KLHL13: variants seen among roughly 807,000 people sequenced by gnomAD.
KLHL13 encodes the protein kelch-like protein 13.
In KLHL13, 10 loss-of-function variants were observed where a neutral mutation model predicts 37.1. The observed-to-expected ratio is 0.27, with a 90% CI of 0.17 to 0.46. The LOEUF (loss-of-function observed/expected upper bound fraction) is 0.46, where lower values mean the gene tolerates loss of function less well. Among genes scored for constraint, KLHL13 ranks in the 20% least tolerant of loss-of-function variants. The pLI is 1.00. For synonymous variants in KLHL13, 163 were observed against 181.2 expected (o/e 0.90, Z 0.81); for missense variants, 360 against 509.3 (o/e 0.71, Z 2.82).
At chrX:117,903,172 A>AC (rs1569409164) in intron 5 of KLHL13, among the ~76,000 whole-genome samples, 198 of 95,671 alleles carry the variant, frequency 2.1e-3, no homozygotes, top group Non-Finnish European at 3.0e-3. Flanking sequence ...AGAGAGAGAG[A>AC]GGAGAGCGAG....
At chrX:117,991,867 C>A (rs1415459835) in intron 1 of KLHL13, among the ~76,000 whole-genome samples, 2 of 106,345 alleles carry the variant, frequency 1.9e-5, no homozygotes, top group African/African-American at 6.9e-5. Context: ...CTCTCTCTCT[C>A]TCTCTCTCTC....
At chrX:118,028,705 AAT>A (rs1489673910) in intron 1 of KLHL13, among the ~76,000 whole-genome samples, 1 of 112,458 alleles carries the variant, frequency 8.9e-6, no homozygotes, top group Non-Finnish European at 1.9e-5. Flanking sequence ...TATGAAATTT[AAT>A]AGTGAATCAC....
chrX:118,023,219 AT>A (rs1465926232), intron 1 of KLHL13, among the ~76,000 whole-genome samples: 1 of 111,472 alleles, frequency 9.0e-6, no homozygotes, highest in Non-Finnish European at 1.9e-5. Flanking sequence ...TATATTCAAT[AT>A]TATGTTGATT....
At chrX:118,038,271 T>C (rs1232399524) in intron 1 of KLHL13, among the ~76,000 whole-genome samples, 1 of 112,089 alleles carries the variant, frequency 8.9e-6, no homozygotes, top group Non-Finnish European at 1.9e-5. Flanking sequence ...CCTCAAGTGA[T>C]CATCTCTCCT....
intron 1 of KLHL13, among the ~76,000 whole-genome samples, chrX:118,027,297 C>T (rs2054284748): frequency 1.8e-5 from 2 of 111,135 alleles, no homozygotes; most frequent in South Asian, 7.6e-4. Flanking sequence ...ATTAAGCACC[C>T]ATCTTACAGT....
chrX:117,989,382 T>G (rs2053762429), intron 1 of KLHL13, among the ~76,000 whole-genome samples: 1 of 109,712 alleles, frequency 9.1e-6, no homozygotes, highest in Non-Finnish European at 1.9e-5. Context: ...ATACCTAATT[T>G]GGTGTTTATT....
intron 1 of KLHL13, among the ~76,000 whole-genome samples, chrX:118,088,990 C>T (rs1200512811): frequency 2.7e-5 from 3 of 110,928 alleles, no homozygotes; most frequent in Non-Finnish European, 5.7e-5. Flanking sequence ...GAGCACAAAC[C>T]AAAAACACAG....
At position 118,004,582 on chromosome X, in the gene KLHL13, T is replaced by C. The variant is rs1013675161; in HGVS notation, c.-55-59007A>G. Among the ~76,000 whole-genome samples, 3 of 111,987 alleles carry C rather than the reference T, an allele frequency of 2.7e-5. No individual in the cohort carries two copies. The Admixed American group carries it at 2.8e-4, about 11-fold the overall frequency. On this transcript the variant is annotated intron_variant, in intron 1 of 6. Coordinates refer to the KLHL13 transcript ENST00000371882. ...CATACAAATATGAGACCATTTGGCA[T>C]CAAAATAAATCAAGGATTATAACAA...
intron 1 of KLHL13, among the ~76,000 whole-genome samples, chrX:118,032,821 G>A (rs1285040677): frequency 9.0e-6 from 1 of 111,511 alleles, no homozygotes; most frequent in Non-Finnish European, 1.9e-5. Flanking sequence ...CAAACCAAAG[G>A]CAAGGAAGTT....
chrX:117,975,167 G>C (rs998865419), upstream of KLHL13, among the ~76,000 whole-genome samples: 1 of 102,623 alleles, frequency 9.7e-6, no homozygotes, highest in Non-Finnish European at 1.9e-5. Context: ...TCCAAAGAAG[G>C]AGAAATACAT....
At chrX:118,002,724 C>G (rs1383462734) in intron 1 of KLHL13, among the ~76,000 whole-genome samples, 1 of 111,077 alleles carries the variant, frequency 9.0e-6, no homozygotes, top group Middle Eastern at 4.2e-3. Context: ...AGCAAAGGCA[C>G]AGAGAAGGGC....
intron 1 of KLHL13, among the ~76,000 whole-genome samples, chrX:118,084,074 C>A (rs1055682522): frequency 7.2e-5 from 8 of 110,843 alleles, no homozygotes; most frequent in South Asian, 3.8e-4. Flanking sequence ...AATCCCAACA[C>A]TTTGGGAGGC....
In KLHL13 at chrX:118,023,484, C is replaced by T. The variant is rs776116266; in HGVS notation, c.-55-77909G>A. Among the ~76,000 whole-genome samples, 4 of 111,967 alleles carry T rather than the reference C, an allele frequency of 3.6e-5. No individual in the cohort carries two copies. The East Asian group carries it at 1.1e-3, about 31-fold the overall frequency. ...ACTTTTGGTTCTCATTACATCTATG[C>T]ATTCTATGAATAACTTTCACGATCT... On this transcript the variant is annotated intron_variant, in intron 1 of 6. Coordinates refer to the KLHL13 transcript ENST00000371882.
At chrX:117,952,415 A>G (rs1933663197) in intron 1 of KLHL13, among the ~76,000 whole-genome samples, 2 of 109,383 alleles carry the variant, frequency 1.8e-5, no homozygotes, top group African/African-American at 3.3e-5. Flanking sequence ...AAGATGGATT[A>G]AAGACTTAAA....
intron 1 of KLHL13, among the ~76,000 whole-genome samples, chrX:118,016,332 C>T (rs1340108156): frequency 9.0e-6 from 1 of 111,274 alleles, no homozygotes; most frequent in Non-Finnish European, 1.9e-5. Context: ...GTACAAAAGT[C>T]TGGGCTTATT....
At chrX:118,021,817 T>C (rs1233166137) in intron 1 of KLHL13, among the ~76,000 whole-genome samples, 4 of 111,674 alleles carry the variant, frequency 3.6e-5, no homozygotes, top group African/African-American at 6.5e-5. Flanking sequence ...CGCCACACTG[T>C]CTTCCACAAT....
chrX:117,924,910 T>A (rs1016999869), intron 2 of KLHL13, among the ~76,000 whole-genome samples: 1 of 111,022 alleles, frequency 9.0e-6, no homozygotes, highest in African/African-American at 3.3e-5. Flanking sequence ...TTTAATGTTT[T>A]AATGTTTAAT....
At chrX:118,038,209 T>C (rs755783515) in intron 1 of KLHL13, among the ~76,000 whole-genome samples, 104 of 111,756 alleles carry the variant, frequency 9.3e-4, no homozygotes, top group Middle Eastern at 4.6e-3. Flanking sequence ...GTGATGAGAT[T>C]GGGAAATGTT....
chrX:118,064,431 A>C (rs1248086861), intron 1 of KLHL13, among the ~76,000 whole-genome samples: 1 of 111,648 alleles, frequency 9.0e-6, no homozygotes, highest in Non-Finnish European at 1.9e-5. Context: ...TATAAGGTTA[A>C]AAAACATTTC....
Sources: allele counts gnomAD v4.1 joint callset (sites outside exome capture counted in the v4.1 genomes callset), GRCh38; gene constraint gnomAD v4.1.1; transcripts MANE v1.5; gene names NCBI Gene and HGNC (gene_info 2026-07-23, HGNC 2026-07-21).